B3GALT1: variants seen among roughly 807,000 people sequenced by gnomAD.
B3GALT1 encodes UDP-Gal:betaGlcNAc beta 1,3-galactosyltransferase, polypeptide 1.
In B3GALT1, 10 loss-of-function variants were observed where a neutral mutation model predicts 23.2. That is an observed-to-expected ratio of 0.43 (90% confidence interval 0.27 to 0.73). B3GALT1 has a LOEUF of 0.73. Ranked by LOEUF, B3GALT1 falls within the 30% of genes least tolerant of loss-of-function variation. B3GALT1 has a pLI of 0.21. For synonymous variants in B3GALT1, 156 were observed against 141.5 expected (o/e 1.10, Z -0.73); for missense variants, 299 against 405.4 (o/e 0.74, Z 2.25).
chr2:167,412,483 A>G (rs1403891), intron 1 of B3GALT1, among the ~76,000 whole-genome samples: 143,942 of 152,210 alleles, frequency 0.95, 68,331 homozygotes, highest in Non-Finnish European at 0.99. Context: ...TATACAAATA[A>G]CAAATAAAAA....
rs1451761857 is a variant in B3GALT1, at chr2:167,686,702, C to T, written c.-352+39736C>T. On this transcript the variant is annotated intron_variant, in intron 3 of 4. Coordinates refer to ENST00000392690, the MANE Select transcript of B3GALT1 (RefSeq NM_020981.4). Reference sequence around the variant, plus strand: ...TATTTCTATTTCGTGCTCATGCCAACATGTCCATGTGCACACTTACACGCA... The same window carrying T: ...TATTTCTATTTCGTGCTCATGCCAATATGTCCATGTGCACACTTACACGCA... Among the ~76,000 whole-genome samples, 3 of 152,216 alleles carry T rather than the reference C, an allele frequency of 2.0e-5. No individual in the cohort carries two copies. In the East Asian group the frequency reaches 5.8e-4, roughly 29 times the overall value.
At chr2:167,298,679 C>T (rs1696395798) in intron 1 of B3GALT1, among the ~76,000 whole-genome samples, 1 of 151,964 alleles carries the variant, frequency 6.6e-6, no homozygotes, top group African/African-American at 2.4e-5. Context: ...TCTTATTTCC[C>T]TCTTCTTACA....
At chr2:167,545,372 C>G (rs1683618137) in intron 2 of B3GALT1, among the ~76,000 whole-genome samples, 1 of 152,034 alleles carries the variant, frequency 6.6e-6, no homozygotes, top group Non-Finnish European at 1.5e-5. Flanking sequence ...CTTATGACCC[C>G]TCCCCTTTTC....
intron 1 of B3GALT1, among the ~76,000 whole-genome samples, chr2:167,476,476 A>G (rs1331433662): frequency 1.3e-5 from 2 of 152,196 alleles, no homozygotes; most frequent in African/African-American, 2.4e-5. Flanking sequence ...TTTAAAAAGC[A>G]GCTGATGTTG....
chr2:167,604,152 A>G (rs1684922294), intron 2 of B3GALT1, among the ~76,000 whole-genome samples: 1 of 152,226 alleles, frequency 6.6e-6, no homozygotes, highest in Admixed American at 6.5e-5. Context: ...ATACACAATA[A>G]GTATTCTGTT....
intron 2 of B3GALT1, among the ~76,000 whole-genome samples, chr2:167,491,050 T>A (rs536008574): frequency 6.6e-6 from 1 of 152,112 alleles, no homozygotes; most frequent in Non-Finnish European, 1.5e-5. Context: ...CTGGAGAAAT[T>A]TACACAAGAC....
chr2:167,841,045 G>T (rs1410090949), intron 4 of B3GALT1, among the ~76,000 whole-genome samples: 5 of 110,316 alleles, frequency 4.5e-5, no homozygotes, highest in Non-Finnish European at 8.9e-5. Context: ...GGAGGGGGGA[G>T]GGATAGCATT....
intron 1 of B3GALT1, among the ~76,000 whole-genome samples, chr2:167,376,231 A>G (rs552488713): frequency 6.6e-6 from 1 of 152,168 alleles, no homozygotes; most frequent in African/African-American, 2.4e-5. Flanking sequence ...TTGATGTGCT[A>G]ATGGATTCAG....
chr2:167,521,835 A>C (rs1172005598), intron 2 of B3GALT1, among the ~76,000 whole-genome samples: 5 of 151,862 alleles, frequency 3.3e-5, no homozygotes, highest in Admixed American at 2.6e-4. Context: ...TTACATGGTA[A>C]AAGACATATC....
At chr2:167,539,706 T>G (rs993861161) in intron 2 of B3GALT1, among the ~76,000 whole-genome samples, 4 of 152,130 alleles carry the variant, frequency 2.6e-5, no homozygotes, top group Admixed American at 2.6e-4. Context: ...AAAATAGCCT[T>G]CTTTCTATTT....
At chr2:167,539,317 A>G (rs941348087) in intron 2 of B3GALT1, among the ~76,000 whole-genome samples, 1 of 152,162 alleles carries the variant, frequency 6.6e-6, no homozygotes, top group Non-Finnish European at 1.5e-5. Context: ...AATCTTTGTA[A>G]TTTAGTAAAA....
intron 4 of B3GALT1, among the ~76,000 whole-genome samples, chr2:167,864,687 GA>G (rs1370236724): frequency 2.6e-5 from 4 of 152,216 alleles, no homozygotes; most frequent in Admixed American, 6.5e-5. Context: ...AGGAAGCTTG[GA>G]AGTGGCTATT....
At chr2:167,359,374 C>T (rs894183218) in intron 1 of B3GALT1, among the ~76,000 whole-genome samples, 4 of 152,156 alleles carry the variant, frequency 2.6e-5, no homozygotes, top group Non-Finnish European at 4.4e-5. Flanking sequence ...TTCTGTAATA[C>T]TCACAGTAAG....
chr2:167,332,149 A>G (rs945998955), intron 1 of B3GALT1, among the ~76,000 whole-genome samples: 2 of 152,078 alleles, frequency 1.3e-5, no homozygotes, highest in Admixed American at 6.6e-5. Context: ...AGAGTACACA[A>G]TAGTCAAGGG....
intron 3 of B3GALT1, among the ~76,000 whole-genome samples, chr2:167,762,651 A>T (rs1264607761): frequency 6.6e-6 from 1 of 151,872 alleles, no homozygotes; most frequent in Non-Finnish European, 1.5e-5. Context: ...TTGCTTAATG[A>T]TTTATTTGGG....
chr2:167,869,341 G>C lies in B3GALT1; in HGVS notation c.302G>C (p.Trp101Ser), dbSNP rs1465681499. ...FDARQAIRET[W>S]GDENNFKGIK... ...GCCCGTCAGGCAATCAGAGAGACGTGGGGGGATGAGAACAACTTTAAGGGG... is the reference window on the plus strand; with the variant it reads ...GCCCGTCAGGCAATCAGAGAGACGTCGGGGGATGAGAACAACTTTAAGGGG... The change falls in exon 5 of 5, where the codon TGG (tryptophan) becomes TCG (serine). Residue 101 changes from tryptophan (W) to serine (S), a missense_variant. By Grantham distance (177) the Trp-to-Ser change is radical. Around this residue, in one of 3 missense-constraint regions of B3GALT1, gnomAD observed 162 missense variants for 184.1 expected, o/e 0.88. Coordinates refer to ENST00000392690, the MANE Select transcript of B3GALT1 (RefSeq NM_020981.4). This position sits in a 1 kb window ranked among gnomAD's most constrained non-coding sequence, Gnocchi z 6.4. 1.2e-6 allele frequency: 2 copies of C among 1,614,070 alleles called. No homozygotes were observed. Among genetic ancestry groups the C allele is most frequent in the Non-Finnish European group, 1.7e-6 (2 of 1,179,992 alleles).
intron 4 of B3GALT1, among the ~76,000 whole-genome samples, chr2:167,844,556 G>A (rs112154469): frequency 3.9e-5 from 6 of 152,298 alleles, no homozygotes; most frequent in East Asian, 3.9e-4. Context: ...AGAGCCTAGC[G>A]AAATACAGGG....
intron 1 of B3GALT1, among the ~76,000 whole-genome samples, chr2:167,402,846 A>T (rs1229108213): frequency 6.6e-6 from 1 of 152,154 alleles, no homozygotes; most frequent in East Asian, 1.9e-4. Flanking sequence ...ATTTTGAAAG[A>T]TGATTTGAAG....
chr2:167,434,334 A>G (rs1698745979), intron 1 of B3GALT1, among the ~76,000 whole-genome samples: 3 of 152,158 alleles, frequency 2.0e-5, no homozygotes, highest in Non-Finnish European at 4.4e-5. Context: ...TATATACAAA[A>G]GTAGGAAGAC....
Sources: gnomAD v4.1 joint callset for allele counts (sites outside exome capture counted in the v4.1 genomes callset) on GRCh38, gnomAD v4.1.1 for gene constraint, gnomAD v4.1.1 regional missense constraint, Gnocchi (gnomAD v3.1) non-coding constraint, MANE v1.5 for transcripts, NCBI Gene and HGNC (gene_info 2026-07-23, HGNC 2026-07-21) for gene names.